EPHX4: variants seen among roughly 807,000 people sequenced by gnomAD.
EPHX4 encodes epoxide hydrolase 4, also known as abhydrolase domain containing 7.
Under a neutral mutation model 44.9 loss-of-function variants are expected in EPHX4, and 31 were observed. The observed-to-expected ratio is 0.69, with a 90% confidence interval of 0.52 to 0.93. The LOEUF (loss-of-function observed/expected upper bound fraction) is 0.93, where lower values mean the gene tolerates loss of function less well. EPHX4 is among the 40% of genes least tolerant of loss of function. The pLI is 0.00. For synonymous variants in EPHX4, 151 were observed against 159.7 expected (o/e 0.95, Z 0.41); for missense variants, 373 against 438.1 (o/e 0.85, Z 1.33).
In EPHX4 at chr1:92,030,002, G is replaced by A. The variant is rs1688329079; in HGVS notation, c.-78G>A. The A allele has an allele frequency of 2.9e-6, 3 of 1,050,128 alleles. No homozygotes were observed. The highest frequency in any genetic ancestry group is 3.7e-6 in the Non-Finnish European group (3 of 816,194). The allele number at this position is 1,050,128 out of a possible 1,614,324, so 65.1% of individuals were successfully genotyped here. ...GGGGAGGCGCGCGTCGAGAGGCGAC[G>A]GCGGGCTGGCCTGGCGCGCTGCGGC... On this transcript the variant is annotated 5_prime_UTR_variant, in exon 1 of 7. Transcript: ENST00000370383.
chr1:92,052,656 C>T lies in EPHX4; in HGVS notation c.855C>T (p.Phe285=), dbSNP rs1481199166. ...SGPINHYRNI[F]SCLPLKHHMV... is the part of the protein sequence containing the mutation. ...CAATTAACCATTACCGAAATATCTT[C>T]AGGTAAGTATAATTTCTTTTTAGTT... The change falls in exon 6 of 7, where the codon TTC becomes TTT. Residue 285 remains phenylalanine (F), a splice_region_variant and synonymous_variant. Coordinates refer to ENST00000370383, the MANE Select transcript of EPHX4 (RefSeq NM_173567.5). The T allele has an allele frequency of 1.9e-6, 3 of 1,598,006 alleles. No individual in the cohort carries two copies. Among genetic ancestry groups the T allele is most frequent in the Non-Finnish European group, 2.6e-6 (3 of 1,175,240 alleles).
chr1:92,058,503 TGAACAGCTAAATAAA>T (rs1359213034), intron 6 of EPHX4, among the ~76,000 whole-genome samples: 3 of 151,326 alleles, frequency 2.0e-5, no homozygotes, highest in Non-Finnish European at 4.4e-5. Flanking sequence ...GGGGAAAATA[TGAACAGCTAAATAAA>T]GAAAAAGCGT....
intron 6 of EPHX4, among the ~76,000 whole-genome samples, chr1:92,061,170 C>T (rs980097482): frequency 9.9e-5 from 15 of 152,036 alleles, no homozygotes; most frequent in African/African-American, 3.6e-4. Context: ...CCACCGTGCC[C>T]GGCTCTAAAG....
chr1:92,051,666 G>A (rs903101502), intron 5 of EPHX4, among the ~76,000 whole-genome samples: 5 of 151,936 alleles, frequency 3.3e-5, no homozygotes, highest in African/African-American at 9.7e-5. Flanking sequence ...ATTTCCTAAC[G>A]CATCCCATCA....
At position 92,045,651 on chromosome 1, in the gene EPHX4, G is replaced by A. The variant is rs767777264; in HGVS notation, c.595G>A (p.Val199Ile). Residue 199 changes from valine (V) to isoleucine (I), a missense_variant, in exon 4 of 7, where the codon GTA (valine) becomes ATA (isoleucine). Physicochemically the swap from Val to Ile is conservative, Grantham distance 29 (BLOSUM62 3). Coordinates refer to ENST00000370383, the MANE Select transcript of EPHX4 (RefSeq NM_173567.5). ...TGTTATTAACTTCCCTCATCCAAAT[G>A]TATTTACAGGTGAGTTCAAGTTTTT... Reference protein sequence around the residue: ...LIVINFPHPNVFTEYILRHPA... With the variant: ...LIVINFPHPNIFTEYILRHPA... 2 of 1,613,894 alleles carry A rather than the reference G, an allele frequency of 1.2e-6. No individual in the cohort carries two copies. The highest frequency in any genetic ancestry group is 4.5e-5 in the East Asian group (2 of 44,852).
chr1:92,031,124 G>A (rs1688353820), intron 1 of EPHX4, among the ~76,000 whole-genome samples: 1 of 152,142 alleles, frequency 6.6e-6, no homozygotes, highest in Admixed American at 6.5e-5. Flanking sequence ...AAATTGCCCC[G>A]CAGCTGAAGT....
intron 6 of EPHX4, among the ~76,000 whole-genome samples, chr1:92,062,097 T>C (rs1163902436): frequency 3.3e-5 from 5 of 152,126 alleles, no homozygotes; most frequent in Non-Finnish European, 7.4e-5. Context: ...TAAAAAATAA[T>C]CTTCTTGCAA....
At chr1:92,032,718 G>C in intron 2 of EPHX4, 128 bp downstream of exon 2, 1 of 805,752 alleles carries the variant, frequency 1.2e-6, no homozygotes, top group Non-Finnish European at 2.0e-6. Context: ...TTTTCTCAGA[G>C]TTCTGGAGGC....
chr1:92,056,608 C>T (rs1197129677), intron 6 of EPHX4, among the ~76,000 whole-genome samples: 1 of 151,420 alleles, frequency 6.6e-6, no homozygotes, highest in East Asian at 1.9e-4. Context: ...AATTTTACAA[C>T]TCTGCACATA....
At chr1:92,050,266 T>A in intron 4 of EPHX4, 51 bp from the exon 5 acceptor site, 1 of 1,130,600 alleles carries the variant, frequency 8.8e-7, no homozygotes, top group Non-Finnish European at 1.3e-6. Flanking sequence ...CTTCTAACAG[T>A]AAGTAATTTA....
intron 4 of EPHX4, among the ~76,000 whole-genome samples, chr1:92,050,033 A>C (rs1278076013): frequency 6.6e-6 from 1 of 152,108 alleles, no homozygotes; most frequent in Non-Finnish European, 1.5e-5. Flanking sequence ...CAGGAGGCAG[A>C]GGTTATAGTG....
chr1:92,042,964 T>C lies in EPHX4; in HGVS notation c.459T>C (p.Asp153=). ...KLDCLITDIK[D]ILDSLGYSKC... Reference sequence around the variant, plus strand: ...ATTGTCTAATTACAGATATAAAGGATATTTTAGATTCTTTAGGTAGGTTAG... The same window carrying C: ...ATTGTCTAATTACAGATATAAAGGACATTTTAGATTCTTTAGGTAGGTTAG... Residue 153 remains aspartate (D), a synonymous_variant, in exon 3 of 7, where the codon GAT becomes GAC. Coordinates refer to ENST00000370383, the MANE Select transcript of EPHX4 (RefSeq NM_173567.5). The C allele has an allele frequency of 1.2e-6, 2 of 1,606,400 alleles. No homozygotes were observed. Among genetic ancestry groups the C allele is most frequent in the Non-Finnish European group, 1.7e-6 (2 of 1,176,012 alleles).
At chr1:92,044,140 C>A (rs1253550083) in intron 3 of EPHX4, among the ~76,000 whole-genome samples, 6 of 152,058 alleles carry the variant, frequency 3.9e-5, no homozygotes, top group Non-Finnish European at 8.8e-5. Context: ...GTGAGAAATA[C>A]CATGAAATCA....
At chr1:92,036,579 G>A (rs1048313488) in intron 2 of EPHX4, among the ~76,000 whole-genome samples, 3 of 152,184 alleles carry the variant, frequency 2.0e-5, no homozygotes, top group South Asian at 2.1e-4. Context: ...ACTCTGAAAA[G>A]CCATAGATTA....
At chr1:92,030,819 G>T (rs1398496411) in intron 1 of EPHX4, among the ~76,000 whole-genome samples, 1 of 152,270 alleles carries the variant, frequency 6.6e-6, no homozygotes, top group African/African-American at 2.4e-5. Flanking sequence ...GATCACAGAC[G>T]ACTTAGGTTG....
At chr1:92,045,749 G>A in intron 4 of EPHX4, 89 bp downstream of exon 4, 2 of 1,456,972 alleles carry the variant, frequency 1.4e-6, no homozygotes, top group Admixed American at 3.7e-5. Flanking sequence ...GCAAAATTTG[G>A]TTACTATCAT....
At chr1:92,044,956 A>C (rs1688563250) in intron 3 of EPHX4, among the ~76,000 whole-genome samples, 1 of 151,206 alleles carries the variant, frequency 6.6e-6, no homozygotes, top group Admixed American at 6.6e-5. Flanking sequence ...GTACCCCCCC[A>C]CACTTTTTTT....
rs956647352 is a variant in EPHX4, at chr1:92,047,767, G to A, written c.604+2107G>A. Among the ~76,000 whole-genome samples, 3 of 152,114 alleles carry A rather than the reference G, an allele frequency of 2.0e-5. No individual in the cohort carries two copies. The South Asian group carries it at 6.2e-4, about 32-fold the overall frequency. ...AACCATCATTGCTTTTGTAGTACTT[G>A]TGCAAATATCAATATGGTGAGAAAA... On this transcript the variant is annotated intron_variant, in intron 4 of 6. Transcript: ENST00000370383.
intron 2 of EPHX4, among the ~76,000 whole-genome samples, chr1:92,033,756 G>A (rs538457897): frequency 3.9e-4 from 59 of 152,112 alleles, no homozygotes; most frequent in Admixed American, 8.5e-4. Context: ...ATTTCTCACC[G>A]TTCTGGAGAC....
Sources: allele counts gnomAD v4.1 joint callset (sites outside exome capture counted in the v4.1 genomes callset), GRCh38; gene constraint gnomAD v4.1.1; transcripts MANE v1.5; gene names NCBI Gene and HGNC (gene_info 2026-07-23, HGNC 2026-07-21).